The following PDE4B variants were observed in gnomAD, a reference collection of about 807,000 sequenced individuals.
The protein encoded by PDE4B is phosphodiesterase 4B, also known as 3',5'-cyclic-AMP phosphodiesterase 4B.
A neutral mutation model predicts 82.2 loss-of-function variants in PDE4B; 20 were observed. The observed-to-expected ratio is 0.24, with a 90% CI of 0.17 to 0.35. The LOEUF is 0.35. Ranked by LOEUF, PDE4B falls within the 10% of genes least tolerant of loss-of-function variation. PDE4B has a pLI of 1.00. For synonymous variants in PDE4B, 320 were observed against 318.9 expected (o/e 1.00, Z -0.04); for missense variants, 655 against 907.2 (o/e 0.72, Z 3.57).
chr1:66,003,564 T>TA (rs1168966484), intron 3 of PDE4B, among the ~76,000 whole-genome samples: 1 of 152,162 alleles, frequency 6.6e-6, no homozygotes, highest in Admixed American at 6.6e-5. Flanking sequence ...TCATCAAACT[T>TA]ATTTATCTCA....
chr1:66,273,246 A>G (rs1258293264), intron 7 of PDE4B, among the ~76,000 whole-genome samples: 5 of 152,186 alleles, frequency 3.3e-5, no homozygotes, highest in African/African-American at 4.8e-5. Flanking sequence ...TGCACTGAAT[A>G]TACATCCCTG....
rs377630672 is a variant in PDE4B, at chr1:65,803,669, G to A, written c.-71+10421G>A. Among the ~76,000 whole-genome samples the A allele has an allele frequency of 5.3e-5, 8 of 152,102 alleles. No individual in the cohort carries two copies. The South Asian group carries it at 1.5e-3, about 28-fold the overall frequency. On this transcript the variant is annotated intron_variant, in intron 1 of 16. Coordinates refer to ENST00000341517, the MANE Select transcript of PDE4B (RefSeq NM_002600.4). Reference sequence around the variant, plus strand: ...AATGGTTTGTGAGATGGGAAAACTCGGATTAAAATGTACGATTCCAGTGCT... The same window carrying A: ...AATGGTTTGTGAGATGGGAAAACTCAGATTAAAATGTACGATTCCAGTGCT...
chr1:65,949,650 G>C (rs1648892518), intron 3 of PDE4B, among the ~76,000 whole-genome samples: 1 of 152,074 alleles, frequency 6.6e-6, no homozygotes, highest in African/African-American at 2.4e-5. Context: ...CAACACTTTT[G>C]ATCAGGTTAT....
intron 7 of PDE4B, among the ~76,000 whole-genome samples, chr1:66,321,505 A>G (rs960819422): frequency 2.6e-5 from 4 of 152,154 alleles, no homozygotes; most frequent in African/African-American, 9.6e-5. Flanking sequence ...ATTTTCAAAG[A>G]GGAGAAATTT....
chr1:66,118,391 A>G (rs1366785770), intron 3 of PDE4B, among the ~76,000 whole-genome samples: 9 of 152,252 alleles, frequency 5.9e-5, no homozygotes, highest in Admixed American at 3.9e-4. Context: ...CTATGCAGCC[A>G]TAAAAAAGGA....
At chr1:65,838,550 T>C (rs1380149244) in intron 1 of PDE4B, among the ~76,000 whole-genome samples, 1 of 145,950 alleles carries the variant, frequency 6.9e-6, no homozygotes, top group South Asian at 2.1e-4. Flanking sequence ...TGTATATATG[T>C]ATATATATGT....
At chr1:65,944,900 C>G (rs970555796) in intron 3 of PDE4B, among the ~76,000 whole-genome samples, 1 of 151,868 alleles carries the variant, frequency 6.6e-6, no homozygotes, top group Non-Finnish European at 1.5e-5. Flanking sequence ...ATAGCTGCTA[C>G]CTGGTCACTT....
chr1:66,304,354 A>G (rs1557689661), intron 7 of PDE4B, among the ~76,000 whole-genome samples: 2 of 152,134 alleles, frequency 1.3e-5, no homozygotes, highest in Non-Finnish European at 2.9e-5. Context: ...CATGTTTGCT[A>G]CATCACGGTT....
chr1:66,097,290 A>G (rs1365823558), intron 3 of PDE4B, among the ~76,000 whole-genome samples: 1 of 152,046 alleles, frequency 6.6e-6, no homozygotes, highest in South Asian at 2.1e-4. Context: ...AATTTTAGCC[A>G]TTCAAGTGGA....
intron 1 of PDE4B, among the ~76,000 whole-genome samples, chr1:65,898,950 A>G (rs1646941179): frequency 2.0e-5 from 3 of 152,104 alleles, no homozygotes; most frequent in Admixed American, 6.6e-5. Context: ...TGCAATAAAA[A>G]CAAAGATAAA....
chr1:65,829,531 G>C (rs146944107), intron 1 of PDE4B, among the ~76,000 whole-genome samples: 1 of 152,052 alleles, frequency 6.6e-6, no homozygotes, highest in African/African-American at 2.4e-5. Flanking sequence ...CATTCACAAA[G>C]ATAGACTATA....
intron 1 of PDE4B, among the ~76,000 whole-genome samples, chr1:65,819,609 C>T (rs1219016248): frequency 6.6e-6 from 1 of 150,922 alleles, no homozygotes; most frequent in Non-Finnish European, 1.5e-5. Flanking sequence ...TCACGCTATT[C>T]TCCTGCCTTA....
intron 1 of PDE4B, among the ~76,000 whole-genome samples, chr1:65,858,337 A>C (rs539861069): frequency 7.2e-5 from 11 of 152,318 alleles, no homozygotes; most frequent in Non-Finnish European, 1.0e-4. Context: ...AGCCTATTTT[A>C]TTCACATGAA....
chr1:66,255,474 C>T (rs867402464), intron 4 of PDE4B, among the ~76,000 whole-genome samples: 1 of 152,290 alleles, frequency 6.6e-6, no homozygotes, highest in Middle Eastern at 3.4e-3. Context: ...GGCCTTCTAT[C>T]CTTATTCTCT....
chr1:65,813,080 C>G (rs1645838328), intron 1 of PDE4B, among the ~76,000 whole-genome samples: 2 of 152,090 alleles, frequency 1.3e-5, no homozygotes, highest in Admixed American at 1.3e-4. Context: ...TAGGAGGCTA[C>G]CGAGGGAGTT....
chr1:66,034,340 TG>T (rs1473564281), intron 3 of PDE4B, among the ~76,000 whole-genome samples: 12 of 152,252 alleles, frequency 7.9e-5, no homozygotes, highest in African/African-American at 2.9e-4. Context: ...AGAGGTTTTT[TG>T]CTATGTAAGC....
chr1:66,118,784 G>A (rs1306998491), intron 3 of PDE4B, among the ~76,000 whole-genome samples: 2 of 151,860 alleles, frequency 1.3e-5, no homozygotes, highest in East Asian at 3.9e-4. Context: ...TAATAATTGA[G>A]TAAGTACAGT....
intron 3 of PDE4B, among the ~76,000 whole-genome samples, chr1:66,100,921 T>A (rs1386951162): frequency 6.6e-6 from 1 of 152,170 alleles, no homozygotes. Context: ...CATGTTGGTG[T>A]GTTGTACCCA....
intron 3 of PDE4B, among the ~76,000 whole-genome samples, chr1:66,113,316 A>G (rs1428300075): frequency 6.6e-6 from 1 of 152,222 alleles, no homozygotes; most frequent in Non-Finnish European, 1.5e-5. Flanking sequence ...GGGAAGGAAA[A>G]CATCAATTTA....
Sources: allele counts gnomAD v4.1 joint callset (sites outside exome capture counted in the v4.1 genomes callset), GRCh38; gene constraint gnomAD v4.1.1; transcripts MANE v1.5; gene names NCBI Gene and HGNC (gene_info 2026-07-23, HGNC 2026-07-21).